ALK: variants seen among roughly 807,000 people sequenced by gnomAD.
ALK encodes ALK tyrosine kinase receptor.
A neutral mutation model predicts 163.1 loss-of-function variants in ALK; 74 were observed. The observed-to-expected ratio is 0.45, with a 90% confidence interval of 0.38 to 0.55. ALK has a LOEUF of 0.55. Among genes scored for constraint, ALK ranks in the 20% least tolerant of loss-of-function variants. The pLI, the probability that ALK is intolerant of heterozygous loss-of-function variation, is 0.00. For missense variants in ALK, 2,063 were observed against 2,105.3 expected, an observed-to-expected ratio of 0.98 and a Z score of 0.39; for synonymous variants, 960 against 843.2, an observed-to-expected ratio of 1.14 and a Z score of -2.40.
At chr2:29,346,292 A>G (rs1667946740) in intron 5 of ALK, among the ~76,000 whole-genome samples, 1 of 152,168 alleles carries the variant, frequency 6.6e-6, no homozygotes, top group South Asian at 2.1e-4. Context: ...CTATTTTCAG[A>G]GGGGAAAAAA....
chr2:29,730,571 A>G (rs1169268264), intron 1 of ALK, among the ~76,000 whole-genome samples: 1 of 152,200 alleles, frequency 6.6e-6, no homozygotes. Flanking sequence ...GATCCTCATA[A>G]AGGTTTAATA....
Position 29,193,288 on chromosome 2 carries a change from C to G in ALK, c.4799G>C (p.Gly1600Ala). ...AATGGTATCCTCGTAATGACCAGCT[C>G]CAGGGGCAGTAGCGGCTTCTAAGGG... Reference protein sequence around the residue: ...GLPLEAATAPGAGHYEDTILK... With the variant: ...GLPLEAATAPAAGHYEDTILK... The change falls in exon 29 of 29, where the codon GGA becomes GCA. Residue 1600 changes from glycine to alanine, a missense_variant. Physicochemically the swap from Gly to Ala is moderately conservative, Grantham distance 60. Coordinates refer to ENST00000389048, the MANE Select transcript of ALK (RefSeq NM_004304.5). The G allele has an allele frequency of 6.2e-7, 1 of 1,614,108 alleles. No individual in the cohort carries two copies. Among genetic ancestry groups the G allele is most frequent in the Non-Finnish European group, 8.5e-7 (1 of 1,180,002 alleles).
intron 3 of ALK, among the ~76,000 whole-genome samples, chr2:29,667,145 G>A (rs1677538096): frequency 6.6e-6 from 1 of 152,142 alleles, no homozygotes; most frequent in Non-Finnish European, 1.5e-5. Context: ...ATAAACAGGA[G>A]AGTGCAGATG....
chr2:29,625,661 C>T (rs191412017), intron 3 of ALK, among the ~76,000 whole-genome samples: 170 of 152,326 alleles, frequency 1.1e-3, no homozygotes, highest in Non-Finnish European at 1.9e-3. Context: ...CAAGCCTAGG[C>T]GATATGGCCT....
chr2:29,640,558 G>T (rs142818363), intron 3 of ALK, among the ~76,000 whole-genome samples: 1 of 152,178 alleles, frequency 6.6e-6, no homozygotes, highest in Non-Finnish European at 1.5e-5. Context: ...TACATGAGAA[G>T]CTGGACAGGC....
At chr2:29,513,974 G>A (rs1005452338) in intron 4 of ALK, among the ~76,000 whole-genome samples, 1 of 120,546 alleles carries the variant, frequency 8.3e-6, no homozygotes, top group Non-Finnish European at 1.8e-5. Flanking sequence ...CAGTTAGAAT[G>A]GCAATCATTA....
chr2:29,427,387 G>A (rs1192854440), intron 4 of ALK, among the ~76,000 whole-genome samples: 1 of 152,016 alleles, frequency 6.6e-6, no homozygotes, highest in Non-Finnish European at 1.5e-5. Flanking sequence ...GTTGTAATAT[G>A]TATGAGAATA....
intron 4 of ALK, among the ~76,000 whole-genome samples, chr2:29,519,499 T>A (rs552586510): frequency 1.3e-5 from 2 of 151,772 alleles, no homozygotes; most frequent in African/African-American, 4.8e-5. Flanking sequence ...AATACAGGAG[T>A]TTTTATTTCC....
intron 1 of ALK, among the ~76,000 whole-genome samples, chr2:29,735,660 G>C (rs952338492): frequency 1.3e-5 from 2 of 152,072 alleles, no homozygotes; most frequent in Non-Finnish European, 1.5e-5. Flanking sequence ...GGAGGTAATA[G>C]AATCATACGG....
chr2:29,572,187 T>A (rs528544870), intron 3 of ALK, among the ~76,000 whole-genome samples: 6 of 152,340 alleles, frequency 3.9e-5, no homozygotes, highest in African/African-American at 1.4e-4. Context: ...TCTGCTGATG[T>A]CACTTAAAGC....
At chr2:29,397,436 T>C (rs1669337787) in intron 4 of ALK, among the ~76,000 whole-genome samples, 1 of 152,208 alleles carries the variant, frequency 6.6e-6, no homozygotes, top group Admixed American at 6.5e-5. Context: ...ATCTTGGACT[T>C]CTAGCCTCCA....
chr2:29,729,902 A>T (rs749330458), intron 1 of ALK, among the ~76,000 whole-genome samples: 7 of 152,234 alleles, frequency 4.6e-5, no homozygotes, highest in Non-Finnish European at 1.0e-4. Flanking sequence ...TTAACATTTT[A>T]TTGCATATTG....
chr2:29,904,331 C>T (rs1300233014), intron 1 of ALK, among the ~76,000 whole-genome samples: 1 of 152,132 alleles, frequency 6.6e-6, no homozygotes, highest in African/African-American at 2.4e-5. Context: ...GTAACTTTCA[C>T]TCTTAGAGCA....
At chr2:29,828,014 G>C (rs188863974) in intron 1 of ALK, among the ~76,000 whole-genome samples, 2,890 of 152,146 alleles carry the variant, frequency 0.019, 77 homozygotes, top group African/African-American at 0.067. Context: ...ATAATACCAC[G>C]CATCTACAAC....
chr2:29,717,477 G>T, intron 2 of ALK, 101 bp downstream of exon 2: 1 of 1,412,322 alleles, frequency 7.1e-7, no homozygotes, highest in Non-Finnish European at 1.0e-6. Context: ...GGGAGCTGAG[G>T]GAATGCCCTG....
intron 4 of ALK, among the ~76,000 whole-genome samples, chr2:29,518,530 T>G (rs147551116): frequency 6.6e-6 from 1 of 152,306 alleles, no homozygotes; most frequent in African/African-American, 2.4e-5. Context: ...CCTAACGGTG[T>G]CAACTTTAGG....
chr2:29,403,709 CAAAAAAAAAAAAAAA>C (rs67270103), intron 4 of ALK, among the ~76,000 whole-genome samples: 40 of 74,190 alleles, frequency 5.4e-4, no homozygotes, highest in Non-Finnish European at 7.8e-4. Context: ...CAGGTCTCTA[CAAAAAAAAAAAAAAA>C]AAAAAAAAAA....
chr2:29,688,584 A>C (rs191501659), intron 3 of ALK, among the ~76,000 whole-genome samples: 158 of 152,316 alleles, frequency 1.0e-3, no homozygotes, highest in Non-Finnish European at 1.2e-3. Context: ...CAGCACAGGA[A>C]GGGAGCTCTG....
At chr2:29,623,032 G>A (rs1003158036) in intron 3 of ALK, among the ~76,000 whole-genome samples, 2 of 152,172 alleles carry the variant, frequency 1.3e-5, no homozygotes, top group African/African-American at 4.8e-5. Context: ...TGTTTATTGT[G>A]AATGAACAAT....
Sources: allele counts gnomAD v4.1 joint callset (sites outside exome capture counted in the v4.1 genomes callset), GRCh38; gene constraint gnomAD v4.1.1; transcripts MANE v1.5; gene names NCBI Gene and HGNC (gene_info 2026-07-23, HGNC 2026-07-21).